GPM6A: variants seen among roughly 807,000 people sequenced by gnomAD.
GPM6A encodes neuronal membrane glycoprotein M6-a.
Under a neutral mutation model 32.1 loss-of-function variants are expected in GPM6A, and 7 were observed. The ratio of observed to expected loss-of-function variants is 0.22; its 90% CI spans 0.12 to 0.41. GPM6A has a LOEUF of 0.41. Among genes scored for constraint, GPM6A ranks in the 10% least tolerant of loss-of-function variants. The pLI, the probability that GPM6A is intolerant of heterozygous loss-of-function variation, is 1.00. For synonymous variants in GPM6A, 130 were observed against 123.4 expected (o/e 1.05, Z -0.35); for missense variants, 235 against 347.2 (o/e 0.68, Z 2.57).
intron 1 of GPM6A, among the ~76,000 whole-genome samples, chr4:175,850,209 C>A (rs1375249682): frequency 2.0e-5 from 3 of 152,224 alleles, no homozygotes; most frequent in East Asian, 3.9e-4. Flanking sequence ...TACTTTAGAA[C>A]CCTAAGCTAT....
At chr4:175,713,584 T>C (rs1298899366) in intron 1 of GPM6A, among the ~76,000 whole-genome samples, 3 of 152,204 alleles carry the variant, frequency 2.0e-5, no homozygotes, top group African/African-American at 4.8e-5. Context: ...AAATATGTCC[T>C]GGCCTAAAAA....
intron 1 of GPM6A, among the ~76,000 whole-genome samples, chr4:175,942,778 T>G (rs554446884): frequency 1.3e-5 from 2 of 152,350 alleles, no homozygotes; most frequent in African/African-American, 4.8e-5. Flanking sequence ...TTGGTTACTG[T>G]AGCCTTGTAG....
chr4:175,821,911 A>G (rs972182105), intron 1 of GPM6A, among the ~76,000 whole-genome samples: 1 of 152,092 alleles, frequency 6.6e-6, no homozygotes, highest in Non-Finnish European at 1.5e-5. Context: ...TCCAATCTAT[A>G]TATTTTAATT....
intron 1 of GPM6A, among the ~76,000 whole-genome samples, chr4:175,754,503 T>C (rs1732455772): frequency 6.6e-6 from 1 of 152,194 alleles, no homozygotes; most frequent in African/African-American, 2.4e-5. Context: ...ATTTACATAA[T>C]TTAAACACAT....
chr4:175,715,280 G>C (rs1244493578), intron 1 of GPM6A, among the ~76,000 whole-genome samples: 1 of 152,144 alleles, frequency 6.6e-6, no homozygotes, highest in Non-Finnish European at 1.5e-5. Context: ...CTAGCTTAAA[G>C]CAGCAATTTA....
intron 1 of GPM6A, among the ~76,000 whole-genome samples, chr4:175,702,932 G>C (rs545521137): frequency 2.6e-5 from 4 of 152,190 alleles, no homozygotes; most frequent in African/African-American, 9.6e-5. Context: ...TTCATGGTTT[G>C]AAAAAATGAG....
At chr4:175,828,738 T>C (rs1735513961) in intron 1 of GPM6A, among the ~76,000 whole-genome samples, 2 of 152,154 alleles carry the variant, frequency 1.3e-5, no homozygotes, top group African/African-American at 2.4e-5. Context: ...AGTAGACTTA[T>C]AGAACCCATA....
chr4:175,923,709 A>G (rs1317799663), intron 1 of GPM6A, among the ~76,000 whole-genome samples: 1 of 151,954 alleles, frequency 6.6e-6, no homozygotes, highest in African/African-American at 2.4e-5. Context: ...ATGCACCACC[A>G]TGCCCAGCTA....
intron 1 of GPM6A, among the ~76,000 whole-genome samples, chr4:175,892,815 G>C (rs73871251): frequency 6.6e-6 from 1 of 152,126 alleles, no homozygotes; most frequent in African/African-American, 2.4e-5. Context: ...TAAAAGCTCC[G>C]TCTTCCAGAT....
intron 1 of GPM6A, among the ~76,000 whole-genome samples, chr4:175,874,194 T>A (rs923667950): frequency 6.6e-6 from 1 of 152,044 alleles, no homozygotes; most frequent in African/African-American, 2.4e-5. Context: ...TCAATAAAGA[T>A]TGTGGAATAA....
intron 1 of GPM6A, among the ~76,000 whole-genome samples, chr4:175,795,117 T>C (rs370715206): frequency 4.6e-5 from 7 of 152,296 alleles, no homozygotes; most frequent in African/African-American, 1.4e-4. Flanking sequence ...CCATTAAATA[T>C]AGAGGAAAGT....
intron 1 of GPM6A, among the ~76,000 whole-genome samples, chr4:175,792,965 G>A (rs1734070016): frequency 6.6e-6 from 1 of 152,168 alleles, no homozygotes; most frequent in African/African-American, 2.4e-5. Context: ...GATCACTTAA[G>A]GCCAGGAGTT....
intron 1 of GPM6A, among the ~76,000 whole-genome samples, chr4:175,752,297 T>C (rs1475485335): frequency 6.6e-6 from 1 of 152,132 alleles, no homozygotes; most frequent in African/African-American, 2.4e-5. Flanking sequence ...TTAGTGTCCT[T>C]TTGGCCTTCC....
At chr4:175,946,626 T>C (rs938899518) in intron 1 of GPM6A, among the ~76,000 whole-genome samples, 3 of 152,092 alleles carry the variant, frequency 2.0e-5, no homozygotes, top group Non-Finnish European at 4.4e-5. Flanking sequence ...AGGCAGAGCA[T>C]GTCAAGAACA....
At chr4:175,962,123 G>A (rs569616260) in intron 1 of GPM6A, 254 of 771,922 alleles carry the variant, frequency 3.3e-4, no homozygotes, top group Non-Finnish European at 5.1e-4. Flanking sequence ...TGCACCATCC[G>A]GACCCAGTGA....
chr4:175,850,805 G>T (rs987878650), intron 1 of GPM6A, among the ~76,000 whole-genome samples: 1 of 150,004 alleles, frequency 6.7e-6, no homozygotes, highest in South Asian at 2.1e-4. Flanking sequence ...ATATAAAATT[G>T]TATGTATTTA....
chr4:175,652,696 T>C (rs999537984), intron 3 of GPM6A, among the ~76,000 whole-genome samples: 1 of 152,082 alleles, frequency 6.6e-6, no homozygotes, highest in Non-Finnish European at 1.5e-5. Context: ...CTAGATAGAA[T>C]TGAATAAAAT....
intron 1 of GPM6A, among the ~76,000 whole-genome samples, chr4:175,987,414 T>C (rs145984065): frequency 6.0e-4 from 92 of 152,296 alleles, no homozygotes; most frequent in African/African-American, 2.1e-3. Context: ...TCTCATTTGA[T>C]TGAAGTTTGT....
intron 1 of GPM6A, among the ~76,000 whole-genome samples, chr4:175,745,936 A>G (rs1007789908): frequency 1.3e-5 from 2 of 152,108 alleles, no homozygotes; most frequent in South Asian, 2.1e-4. Flanking sequence ...TATAGTGTGA[A>G]TGTGGATTTA....
Sources: gnomAD v4.1 joint callset for allele counts (sites outside exome capture counted in the v4.1 genomes callset) on GRCh38, gnomAD v4.1.1 for gene constraint, MANE v1.5 for transcripts, NCBI Gene and HGNC (gene_info 2026-07-23, HGNC 2026-07-21) for gene names.